ANKRD28: variants seen among roughly 807,000 people sequenced by gnomAD.
ANKRD28 encodes the protein ankyrin repeat domain 28.
Under a neutral mutation model 126.5 loss-of-function variants are expected in ANKRD28, and 44 were observed. The ratio of observed to expected loss-of-function variants is 0.35; its 90% confidence interval spans 0.27 to 0.45. The LOEUF (loss-of-function observed/expected upper bound fraction) is 0.45. ANKRD28 is among the 20% of genes least tolerant of loss of function. The pLI is 1.00. For synonymous variants in ANKRD28, 442 were observed against 468.5 expected, an observed-to-expected ratio of 0.94 and a Z score of 0.73; for missense variants, 1,110 against 1,316.6, an observed-to-expected ratio of 0.84 and a Z score of 2.43.
At chr3:15,706,388 C>G (rs2126010197) in intron 14 of ANKRD28, among the ~76,000 whole-genome samples, 1 of 149,878 alleles carries the variant, frequency 6.7e-6, no homozygotes, top group South Asian at 2.1e-4. Flanking sequence ...ATGTTTCCAG[C>G]TTCATCCATG....
At chr3:15,793,365 C>A (rs1050474764) in intron 2 of ANKRD28, among the ~76,000 whole-genome samples, 1 of 152,170 alleles carries the variant, frequency 6.6e-6, no homozygotes, top group Admixed American at 6.5e-5. Context: ...TAAAAGCAAT[C>A]ATAAAAGTTG....
chr3:15,845,264 T>G lies in ANKRD28; in HGVS notation c.27+14113A>C, dbSNP rs1215292889. 6.6e-6 allele frequency among the ~76,000 whole-genome samples: 1 copy of G among 152,206 alleles called. No homozygotes were observed. Among genetic ancestry groups the G allele is most frequent in the Non-Finnish European group, 1.5e-5 (1 of 68,030 alleles). Reference sequence around the variant, plus strand: ...AGTCACCTATTATTAAATGAGTGGATTAACTGTTACATAACATATACACAA... The same window carrying G: ...AGTCACCTATTATTAAATGAGTGGAGTAACTGTTACATAACATATACACAA... On this transcript the variant is annotated intron_variant, in intron 1 of 27. Coordinates refer to the ANKRD28 transcript ENST00000399451. This position sits in a 1 kb window ranked among gnomAD's most constrained non-coding sequence, Gnocchi z 4.9.
intron 1 of ANKRD28, among the ~76,000 whole-genome samples, chr3:15,857,901 A>G (rs1247697288): frequency 6.6e-6 from 1 of 152,264 alleles, no homozygotes; most frequent in Non-Finnish European, 1.5e-5. Flanking sequence ...TAACAATGGA[A>G]GCACAAAGTG....
rs368140632 is a variant in ANKRD28 at position 15,687,510 on chromosome 3, A to C, written c.1964-1201T>G. Reference sequence around the variant, plus strand: ...TCCTGTTAATATATACAAAGTCTGAAGTTTAAAGAAATACATTAGAAAAAA... The same window carrying C: ...TCCTGTTAATATATACAAAGTCTGACGTTTAAAGAAATACATTAGAAAAAA... On this transcript the variant is annotated intron_variant, in intron 18 of 27. Transcript: ENST00000683139. Among the ~76,000 whole-genome samples, 10 of 152,312 alleles carry C rather than the reference A, an allele frequency of 6.6e-5. No individual in the cohort carries two copies. In the South Asian group the frequency reaches 2.1e-3, roughly 32 times the overall value.
chr3:15,689,917 T>G, intron 18 of ANKRD28, 102 bp downstream of exon 18: 2 of 1,123,742 alleles, frequency 1.8e-6, no homozygotes, highest in Non-Finnish European at 2.4e-6. Flanking sequence ...AAAAAAAAGG[T>G]CAAAATTTTA....
rs1227297324 is a variant in ANKRD28, at chr3:15,696,264, A to T, written c.1548-19T>A. The T allele has an allele frequency of 1.4e-6, 2 of 1,424,486 alleles. No individual in the cohort carries two copies. Among genetic ancestry groups the T allele is most frequent in the East Asian group, 2.4e-5 (1 of 42,072 alleles). 88.2% of individuals were successfully genotyped at this position (1,424,486 alleles called of 1,614,324 possible). A position where few individuals can be genotyped will look rare whatever the true frequency, so the allele number is the denominator to read the frequency against. On this transcript the variant is annotated intron_variant, in intron 14 of 27. Coordinates refer to ENST00000683139, the MANE Select transcript of ANKRD28 (RefSeq NM_001349278.2). ...CAGGCACCTATATACAACAACAACA[A>T]CATACTGAAAATCCTAAATCCTGCA...
chr3:15,854,301 T>C lies in ANKRD28; in HGVS notation c.27+5076A>G, dbSNP rs1256776286. On this transcript the variant is annotated intron_variant, in intron 1 of 27. Transcript: ENST00000399451. The surrounding 1 kb of genome is among the most constrained non-coding windows in gnomAD (Gnocchi z 4.1). ...CAACTACACACTCCAATCAAGACTATCTCCTGATTATCCCATCCATCCTTC... is the reference window on the plus strand; with the variant it reads ...CAACTACACACTCCAATCAAGACTACCTCCTGATTATCCCATCCATCCTTC... Among the ~76,000 whole-genome samples the C allele has an allele frequency of 6.6e-6, 1 of 152,212 alleles. No homozygotes were observed. Among genetic ancestry groups the C allele is most frequent in the African/African-American group, 2.4e-5 (1 of 41,444 alleles).
intron 5 of ANKRD28, among the ~76,000 whole-genome samples, 189 bp from the exon 6 acceptor site, chr3:15,735,686 G>A (rs2074970484): frequency 1.3e-5 from 2 of 152,186 alleles, no homozygotes; most frequent in Admixed American, 6.5e-5. Flanking sequence ...AAGGTTAACT[G>A]TGGGTGCTAC....
intron 14 of ANKRD28, among the ~76,000 whole-genome samples, chr3:15,701,333 G>A (rs1219368428): frequency 1.3e-5 from 2 of 152,140 alleles, no homozygotes; most frequent in Non-Finnish European, 2.9e-5. Flanking sequence ...AAATTCTTTG[G>A]AGTCAAGCAT....
chr3:15,723,486 GAAGT>G (rs2073933498), intron 7 of ANKRD28, among the ~76,000 whole-genome samples: 1 of 152,174 alleles, frequency 6.6e-6, no homozygotes, highest in South Asian at 2.1e-4. Context: ...AACTCTCCCT[GAAGT>G]AAGAATAAAT....
At chr3:15,835,040 C>T (rs56322203) in intron 1 of ANKRD28, among the ~76,000 whole-genome samples, 13,546 of 152,022 alleles carry the variant, frequency 0.089, 672 homozygotes, top group African/African-American at 0.12. Context: ...TCCAGCTACT[C>T]GGGAGGCTGA....
chr3:15,712,221 G>C lies in ANKRD28; in HGVS notation c.1192C>G (p.Arg398Gly). Residue 398 changes from arginine (R) to glycine (G), a missense_variant and splice_region_variant, in exon 11 of 28, where the codon CGT (arginine) becomes GGT (glycine). Coordinates refer to ENST00000683139, the MANE Select transcript of ANKRD28 (RefSeq NM_001349278.2). ...AGGGGGAACATTCCATGTATGCCAC[G>C]CCTAAAGTTAATAGAACAGGACAGT... The part of the protein sequence containing the change: ...LITSGADTAK[R>G]GIHGMFPLHL... The C allele has an allele frequency of 6.4e-7, 1 of 1,574,738 alleles. No individual in the cohort carries two copies. Among genetic ancestry groups the C allele is most frequent in the Non-Finnish European group, 8.6e-7 (1 of 1,158,928 alleles).
At chr3:15,810,085 A>G (rs929821587) in intron 1 of ANKRD28, among the ~76,000 whole-genome samples, 6 of 152,346 alleles carry the variant, frequency 3.9e-5, no homozygotes, top group African/African-American at 1.2e-4. Flanking sequence ...AACCTATAGA[A>G]TTTTAAGGCA....
intron 1 of ANKRD28, among the ~76,000 whole-genome samples, chr3:15,831,465 T>A (rs1000118283): frequency 6.6e-5 from 10 of 152,182 alleles, no homozygotes; most frequent in African/African-American, 2.4e-4. Context: ...GTAGGATGTT[T>A]AGCAGCATCC....
At position 15,852,649 on chromosome 3, in the gene ANKRD28, C is replaced by G. The variant is rs550929296; in HGVS notation, c.27+6728G>C. Among the ~76,000 whole-genome samples, 680 of 151,370 alleles carry G rather than the reference C, an allele frequency of 4.5e-3. 3 individuals carry two copies. Among genetic ancestry groups the G allele is most frequent in the Middle Eastern group, 0.027 (8 of 294 alleles). ...GAGATCGAGACCATCCTGGCTAACA[C>G]GGTGAAACCCCGTCTCTACTAAAAA... On this transcript the variant is annotated intron_variant, in intron 1 of 27. Coordinates refer to the ANKRD28 transcript ENST00000399451.
intron 2 of ANKRD28, among the ~76,000 whole-genome samples, chr3:15,770,897 G>T (rs933595863): frequency 6.6e-6 from 1 of 152,160 alleles, no homozygotes; most frequent in Non-Finnish European, 1.5e-5. Context: ...TCTTAGAGAA[G>T]GAGAGCAAAC....
intron 4 of ANKRD28, among the ~76,000 whole-genome samples, chr3:15,749,898 T>C (rs966027080): frequency 3.9e-5 from 6 of 152,182 alleles, no homozygotes; most frequent in Non-Finnish European, 8.8e-5. Context: ...CCAGTGGAGG[T>C]AGCAGGGGAG....
At chr3:15,715,415 G>T (rs1409569021) in intron 8 of ANKRD28, among the ~76,000 whole-genome samples, 1 of 152,170 alleles carries the variant, frequency 6.6e-6, no homozygotes, top group African/African-American at 2.4e-5. Context: ...GTACAACGCA[G>T]ATATTCTTTA....
At chr3:15,828,330 G>C (rs548088200) in intron 1 of ANKRD28, among the ~76,000 whole-genome samples, 1 of 152,070 alleles carries the variant, frequency 6.6e-6, no homozygotes, top group South Asian at 2.1e-4. Context: ...GGCTGGACGC[G>C]GTGGCTCATG....
Sources: gnomAD v4.1 joint callset for allele counts (sites outside exome capture counted in the v4.1 genomes callset) on GRCh38, gnomAD v4.1.1 for gene constraint, Gnocchi (gnomAD v3.1) non-coding constraint, MANE v1.5 for transcripts, NCBI Gene and HGNC (gene_info 2026-07-23, HGNC 2026-07-21) for gene names.